The following MUS81 variants were observed in gnomAD, a reference collection of about 807,000 sequenced individuals.
MUS81 encodes structure-specific endonuclease subunit MUS81.
A neutral mutation model predicts 74.2 loss-of-function variants in MUS81; 69 were observed. The observed-to-expected ratio is 0.93, with a 90% CI of 0.77 to 1.14. The LOEUF (loss-of-function observed/expected upper bound fraction) is 1.14, where lower values mean the gene tolerates loss of function less well. Ranked by LOEUF, MUS81 falls within the 50% of genes most tolerant of loss-of-function variation. The pLI is 0.00. For missense variants in MUS81, 711 were observed against 726.5 expected, an observed-to-expected ratio of 0.98 and a Z score of 0.25; for synonymous variants, 303 against 300.6, an observed-to-expected ratio of 1.01 and a Z score of -0.08.
Position 65,860,869 on chromosome 11 carries a change from C to T in MUS81, c.116C>T (p.Thr39Met). ...GAGGCGACCCGCAGCAGGCGCCGCA[C>T]GCGCTTCGTATTTCAGAAGGTGGGT... ...RDEATRSRRR[T>M]RFVFQKALRS... Residue 39 changes from threonine to methionine, a missense_variant, in exon 1 of 16, where the codon ACG becomes ATG. Transcript: ENST00000308110. 1.3e-6 allele frequency: 2 copies of T among 1,560,914 alleles called. No homozygotes were observed. Among genetic ancestry groups the T allele is most frequent in the Non-Finnish European group, 1.7e-6 (2 of 1,155,750 alleles).
Position 65,860,609 on chromosome 11 carries a change from TG to T in MUS81, c.-141del. ...TCCTCTCGTTAGTGCCCCCTGTGTT[TG>T]GGGCCCCGTGATCTCAACGGTCCTG... On this transcript the variant is annotated 5_prime_UTR_variant, in exon 1 of 16. Coordinates refer to ENST00000308110, the MANE Select transcript of MUS81 (RefSeq NM_025128.5). 2 of 1,177,072 alleles carry T rather than the reference TG, an allele frequency of 1.7e-6. No homozygotes were observed. Among genetic ancestry groups the T allele is most frequent in the Non-Finnish European group, 2.4e-6 (2 of 831,400 alleles). 72.9% of individuals were successfully genotyped at this position (1,177,072 alleles called of 1,614,324 possible).
chr11:65,863,689 G>A lies in MUS81; in HGVS notation c.929G>A (p.Trp310Ter). ...AAGCTGCACGTTGGAGATTTTGTGT[G>A]GGTGGCCCAGGAGACCAATCCTAGA... ...VRKLHVGDFV[W>*]VAQETNPRDP... is the part of the protein sequence containing the mutation. The change falls in exon 9 of 16, where the codon TGG (tryptophan) becomes TAG (stop). Residue 310 changes from tryptophan (W) to a stop codon, truncating the protein, a stop_gained. Transcript: ENST00000308110. LOFTEE classifies it high-confidence loss of function. 1 of 1,614,032 alleles carries A rather than the reference G, an allele frequency of 6.2e-7. No individual in the cohort carries two copies. Among genetic ancestry groups the A allele is most frequent in the Non-Finnish European group, 8.5e-7 (1 of 1,179,980 alleles).
downstream of MUS81, chr11:65,867,187 C>A: frequency 7.2e-7 from 1 of 1,384,370 alleles, no homozygotes. Flanking sequence ...AGGAACAGCC[C>A]TGGCCAGGCT....
chr11:65,866,199 T>C lies in MUS81; in HGVS notation c.*147T>C. Reference sequence around the variant, plus strand: ...AGAAGATGCCTAGCCCTGGGGACCTTGTGAAATACGCAGGAACCAGGGATA... The same window carrying C: ...AGAAGATGCCTAGCCCTGGGGACCTCGTGAAATACGCAGGAACCAGGGATA... On this transcript the variant is annotated 3_prime_UTR_variant, in exon 16 of 16. Coordinates refer to ENST00000308110, the MANE Select transcript of MUS81 (RefSeq NM_025128.5). 1 of 750,926 alleles carries C rather than the reference T, an allele frequency of 1.3e-6. No individual in the cohort carries two copies. The highest frequency in any genetic ancestry group is 2.1e-6 in the Non-Finnish European group (1 of 470,706). 46.5% of individuals were successfully genotyped at this position (750,926 alleles called of 1,614,324 possible).
chr11:65,865,011 C>T lies in MUS81; in HGVS notation c.1273-6C>T, dbSNP rs755560641. 4.4e-5 allele frequency: 71 copies of T among 1,613,140 alleles called. No homozygotes were observed. The highest frequency in any genetic ancestry group is 5.9e-5 in the Non-Finnish European group (70 of 1,180,000). Reference sequence around the variant, plus strand: ...CCAGCCTGGCCTCAGTCCCTTCTTCCCTCAGGGCCACACCCTACGCAGCCG... The same window carrying T: ...CCAGCCTGGCCTCAGTCCCTTCTTCTCTCAGGGCCACACCCTACGCAGCCG... On this transcript the variant is annotated splice_region_variant and splice_polypyrimidine_tract_variant and intron_variant, in intron 12 of 15. Transcript: ENST00000308110.
chr11:65,863,945 C>G, intron 10 of MUS81, 44 bp downstream of exon 10: 1 of 1,597,000 alleles, frequency 6.3e-7, no homozygotes. Context: ...TGCTCCGAAG[C>G]CCCGTTTTCA....
chr11:65,863,306 G>T, intron 7 of MUS81, 101 bp downstream of exon 7: 2 of 1,581,570 alleles, frequency 1.3e-6, no homozygotes, highest in Non-Finnish European at 1.7e-6. Context: ...AACTGTGGCT[G>T]CCTCCCTACT....
intron 12 of MUS81, 34 bp downstream of exon 12, chr11:65,864,849 G>A (rs1403839332): frequency 6.2e-7 from 1 of 1,600,440 alleles, no homozygotes. Context: ...TGTCGGGACA[G>A]AGCCCACAAG....
At position 65,865,842 on chromosome 11, in the gene MUS81, C is replaced by A. The variant is rs1859809429; in HGVS notation, c.1537C>A (p.Pro513Thr). The A allele has an allele frequency of 6.2e-7, 1 of 1,614,112 alleles. No homozygotes were observed. Among genetic ancestry groups the A allele is most frequent in the Non-Finnish European group, 8.5e-7 (1 of 1,180,008 alleles). Residue 513 changes from proline (P) to threonine (T), a missense_variant, in exon 15 of 16, where the codon CCC becomes ACC. Physicochemically the swap from Pro to Thr is conservative, Grantham distance 38. Transcript: ENST00000308110. ...LLAAYDACAT[P>T]KEQETLLSTI... ...GGCCGCCTATGATGCCTGTGCCACC[C>A]CCAAGGAACAAGAGACACTGCTGAG...
rs761443910 is a variant in MUS81 at position 65,865,050 on chromosome 11, C to G, written c.1306C>G (p.Pro436Ala). 6.2e-6 allele frequency: 10 copies of G among 1,613,892 alleles called. No homozygotes were observed. Among genetic ancestry groups the G allele is most frequent in the African/African-American group, 5.3e-5 (4 of 74,918 alleles). The change falls in exon 13 of 16, where the codon CCT becomes GCT. Residue 436 changes from proline (P) to alanine (A), a missense_variant. Physicochemically the swap from Pro to Ala is conservative, Grantham distance 27. Transcript: ENST00000308110. ...CCTACGCAGCCGCCCCTGGGGAACC[C>G]CTGGGAACCCTGAATCAGGGGCCAT... ...HTLRSRPWGTPGNPESGAMTS... is the reference protein window; with the variant it reads ...HTLRSRPWGTAGNPESGAMTS...
At chr11:65,866,983 G>A, downstream of MUS81, 1 of 1,614,198 alleles carries the variant, frequency 6.2e-7, no homozygotes, top group South Asian at 1.1e-5. Context: ...TAGCTCATGA[G>A]GGAATTCATG....
rs1859709290 is a variant in MUS81 at position 65,863,798 on chromosome 11, C to G, written c.962-6C>G. The G allele has an allele frequency of 6.2e-7, 1 of 1,614,156 alleles. No homozygotes were observed. The highest frequency in any genetic ancestry group is 8.5e-7 in the Non-Finnish European group (1 of 1,180,002). On this transcript the variant is annotated splice_region_variant and splice_polypyrimidine_tract_variant and intron_variant, in intron 9 of 15. Transcript: ENST00000308110. The stretch of plus-strand genomic sequence containing the variant: ...GATCGCAAGCTAACGGCTGGCTTGT[C>G]AGCAGCAAACCCTGGGGAGTTGGTA...
At position 65,860,741 on chromosome 11, in the gene MUS81, C is replaced by G. The variant is rs1360894131; in HGVS notation, c.-13C>G. Reference sequence around the variant, plus strand: ...CGCGGGCGTGGAGCGCCGGAGGACCCGCCCTCGGGCTCATGGCGGCCCCGG... The same window carrying G: ...CGCGGGCGTGGAGCGCCGGAGGACCGGCCCTCGGGCTCATGGCGGCCCCGG... On this transcript the variant is annotated 5_prime_UTR_variant, in exon 1 of 16. Coordinates refer to ENST00000308110, the MANE Select transcript of MUS81 (RefSeq NM_025128.5). 1 of 1,532,518 alleles carries G rather than the reference C, an allele frequency of 6.5e-7. No homozygotes were observed. The highest frequency in any genetic ancestry group is 8.7e-7 in the Non-Finnish European group (1 of 1,145,304). The allele number at this position is 1,532,518 out of a possible 1,614,324, so 94.9% of individuals were successfully genotyped here.
rs751981786 is a variant in MUS81 at position 65,865,264 on chromosome 11, G to A, written c.1446G>A (p.Val482=). The change falls in exon 14 of 16, where the codon GTG becomes GTA. Residue 482 remains valine (V), a synonymous_variant. Transcript: ENST00000308110. The part of the protein sequence containing the change: ...REVFARQLMQ[V]RGVSGEKAAA... ...TGTTTGCCCGGCAGCTGATGCAGGT[G>A]CGCGGAGTGAGTGGGGAGAAGGCAG... is the stretch of plus-strand genomic sequence containing the variant. 40 of 1,614,056 alleles carry A rather than the reference G, an allele frequency of 2.5e-5. No individual in the cohort carries two copies. The highest frequency in any genetic ancestry group is 3.4e-5 in the Non-Finnish European group (40 of 1,180,032).
At chr11:65,862,371 G>A in intron 5 of MUS81, 73 bp from the exon 6 acceptor site, 1 of 1,585,106 alleles carries the variant, frequency 6.3e-7, no homozygotes, top group Non-Finnish European at 8.7e-7. Context: ...TGTGGCCCAT[G>A]GCTGGGGACA....
chr11:65,865,028 A>C lies in MUS81; in HGVS notation c.1284A>C (p.Leu428=). ...GLQRLYQGHT[L]RSRPWGTPGN... is the part of the protein sequence containing the mutation. The stretch of plus-strand genomic sequence containing the variant: ...CCTTCTTCCCTCAGGGCCACACCCT[A>C]CGCAGCCGCCCCTGGGGAACCCCTG... The change falls in exon 13 of 16, where the codon CTA becomes CTC. Residue 428 remains leucine, a synonymous_variant. Coordinates refer to ENST00000308110, the MANE Select transcript of MUS81 (RefSeq NM_025128.5). 6.2e-7 allele frequency: 1 copy of C among 1,613,706 alleles called. No individual in the cohort carries two copies. The highest frequency in any genetic ancestry group is 2.2e-5 in the East Asian group (1 of 44,878).
At chr11:65,862,944 CTG>C in intron 6 of MUS81, 119 bp from the exon 7 acceptor site, 1 of 1,286,004 alleles carries the variant, frequency 7.8e-7, no homozygotes, top group Non-Finnish European at 1.1e-6. Flanking sequence ...GCAGGAGCCA[CTG>C]GGGTCATTTG....
At chr11:65,862,413 GCT>G (rs747133642) in intron 5 of MUS81, 29 bp from the exon 6 acceptor site, 10 of 1,601,874 alleles carry the variant, frequency 6.2e-6, no homozygotes, top group African/African-American at 1.3e-5. Context: ...GGTACCAGGT[GCT>G]CTCTGAGGGT....
chr11:65,860,227 C>G (rs1307331008), upstream of MUS81: 5 of 455,950 alleles, frequency 1.1e-5, 1 homozygote, highest in South Asian at 7.7e-5. Context: ...TCTCCTAGCC[C>G]CCGCCTCTCC....
Sources: allele counts gnomAD v4.1 joint callset, GRCh38; gene constraint gnomAD v4.1.1; transcripts MANE v1.5; gene names NCBI Gene and HGNC (gene_info 2026-07-23, HGNC 2026-07-21).